BCL2L1: variants seen among roughly 807,000 people sequenced by gnomAD.
BCL2L1 encodes the protein bcl-2-like protein 1.
A neutral mutation model predicts 18.7 loss-of-function variants in BCL2L1; 1 was observed. The ratio of observed to expected loss-of-function variants is 0.05; its 90% CI spans 0.02 to 0.25. BCL2L1 has a LOEUF of 0.25. BCL2L1 is among the 10% of genes least tolerant of loss of function. The pLI, the probability that BCL2L1 is intolerant of heterozygous loss-of-function variation, is 1.00. For missense variants in BCL2L1, 207 were observed against 304.9 expected (o/e 0.68, Z 2.39); for synonymous variants, 103 against 122.7 (o/e 0.84, Z 1.06).
rs1022080146 is a variant in BCL2L1, at chr20:31,665,835, G to C, written c.*114C>G. On this transcript the variant is annotated 3_prime_UTR_variant, in exon 3 of 3. Transcript: ENST00000307677. The stretch of plus-strand genomic sequence containing the variant: ...AGATCTGGGCCCAACCCTGTGATGG[G>C]CAGGTGGGCATGGGCTGCATGTAGT... 10 of 1,386,948 alleles carry C rather than the reference G, an allele frequency of 7.2e-6. No individual in the cohort carries two copies. The highest frequency in any genetic ancestry group is 9.9e-6 in the Non-Finnish European group (10 of 1,011,304). The allele number at this position is 1,386,948 out of a possible 1,614,324, so 85.9% of individuals were successfully genotyped here. A position where few individuals can be genotyped will look rare whatever the true frequency, so the allele number is the denominator to read the frequency against.
chr20:31,723,369 G>C, upstream of BCL2L1: 3 of 985,508 alleles, frequency 3.0e-6, no homozygotes, highest in Non-Finnish European at 3.6e-6. Flanking sequence ...GAGGGGTCGA[G>C]GCCTGCTCGA....
At chr20:31,699,417 A>G (rs2061241355) in intron 2 of BCL2L1, among the ~76,000 whole-genome samples, 1 of 152,200 alleles carries the variant, frequency 6.6e-6, no homozygotes, top group Admixed American at 6.5e-5. Flanking sequence ...AGCAGGAAAC[A>G]GGGGATACTC....
chr20:31,711,450 G>A (rs549558381), intron 2 of BCL2L1, among the ~76,000 whole-genome samples: 1 of 152,302 alleles, frequency 6.6e-6, no homozygotes, highest in East Asian at 1.9e-4. Flanking sequence ...GGCACATGTA[G>A]ACTGATTCAG....
intron 2 of BCL2L1, among the ~76,000 whole-genome samples, chr20:31,693,153 T>C (rs2122641170): frequency 7.8e-6 from 1 of 127,944 alleles, no homozygotes; most frequent in East Asian, 2.1e-4. Flanking sequence ...TATATATATA[T>C]AGTAAAACTT....
At chr20:31,721,487 T>C (rs1272425289) in intron 2 of BCL2L1, 168 bp downstream of exon 2, 9 of 768,734 alleles carry the variant, frequency 1.2e-5, no homozygotes, top group Non-Finnish European at 1.8e-5. Context: ...TCATTTGTAT[T>C]TCCAAGGAGT....
rs1236020671 is a variant in BCL2L1 at position 31,722,835 on chromosome 20, C to G, written c.-348G>C. Reference sequence around the variant, plus strand: ...ATTGCGAAGCTCAGGAACCAGCCCCCTCGCTTGCTTCCTCCTCCATCGCCC... The same window carrying G: ...ATTGCGAAGCTCAGGAACCAGCCCCGTCGCTTGCTTCCTCCTCCATCGCCC... On this transcript the variant is annotated 5_prime_UTR_variant, in exon 1 of 3. Coordinates refer to ENST00000307677, the MANE Select transcript of BCL2L1 (RefSeq NM_138578.3). 6.6e-6 allele frequency: 1 copy of G among 152,290 alleles called. No individual in the cohort carries two copies. The highest frequency in any genetic ancestry group is 1.5e-5 in the Non-Finnish European group (1 of 68,078). 9.4% of individuals were successfully genotyped at this position (152,290 alleles called of 1,614,324 possible). A position where few individuals can be genotyped will look rare whatever the true frequency, so the allele number is the denominator to read the frequency against.
chr20:31,713,779 G>A (rs1392632175), intron 2 of BCL2L1, among the ~76,000 whole-genome samples: 1 of 152,174 alleles, frequency 6.6e-6, no homozygotes, highest in Non-Finnish European at 1.5e-5. Flanking sequence ...TCAGAAAAAG[G>A]TGGCATTACT....
chr20:31,721,509 G>A (rs905207228), intron 2 of BCL2L1, 146 bp downstream of exon 2: 6 of 923,812 alleles, frequency 6.5e-6, no homozygotes, highest in African/African-American at 1.7e-5. Context: ...AACCTCTTGT[G>A]GTGAAATGAG....
At chr20:31,688,141 G>T (rs2122593021) in intron 2 of BCL2L1, among the ~76,000 whole-genome samples, 1 of 152,124 alleles carries the variant, frequency 6.6e-6, no homozygotes, top group East Asian at 1.9e-4. Flanking sequence ...GTACAGGAAG[G>T]CACTCAAGAA....
At chr20:31,701,573 A>G (rs1415575071) in intron 2 of BCL2L1, among the ~76,000 whole-genome samples, 1 of 152,098 alleles carries the variant, frequency 6.6e-6, no homozygotes, top group Admixed American at 6.5e-5. Context: ...GTTGCTTCCA[A>G]CTCTTTGTAA....
chr20:31,707,341 C>A (rs1207722367), intron 2 of BCL2L1, among the ~76,000 whole-genome samples: 1 of 152,214 alleles, frequency 6.6e-6, no homozygotes, highest in African/African-American at 2.4e-5. Context: ...GCAATGACAA[C>A]AATTTGTTTA....
chr20:31,709,966 G>A (rs1475243503), intron 2 of BCL2L1, among the ~76,000 whole-genome samples: 1 of 151,710 alleles, frequency 6.6e-6, no homozygotes, highest in Non-Finnish European at 1.5e-5. Context: ...GGTTACAGGT[G>A]TGAGCCACCA....
chr20:31,701,049 A>G (rs183939814), intron 2 of BCL2L1, among the ~76,000 whole-genome samples: 82 of 152,216 alleles, frequency 5.4e-4, no homozygotes, highest in Non-Finnish European at 9.4e-4. Flanking sequence ...AAGGTCATCT[A>G]TGTAATTAGA....
chr20:31,709,783 C>T (rs941558034), intron 2 of BCL2L1, among the ~76,000 whole-genome samples: 3 of 143,368 alleles, frequency 2.1e-5, no homozygotes, highest in Non-Finnish European at 4.5e-5. Context: ...TGCAGTGAGC[C>T]GAGATCGTGC....
intron 2 of BCL2L1, among the ~76,000 whole-genome samples, chr20:31,675,412 G>T (rs1232545283): frequency 2.0e-5 from 3 of 152,162 alleles, no homozygotes; most frequent in African/African-American, 4.8e-5. Flanking sequence ...ACATGGCCTT[G>T]CTAGAAGATC....
chr20:31,675,569 G>T (rs918153122), intron 2 of BCL2L1, among the ~76,000 whole-genome samples: 1 of 152,160 alleles, frequency 6.6e-6, no homozygotes, highest in Non-Finnish European at 1.5e-5. Context: ...GTTGGCTCCC[G>T]AGATGTGAGA....
intron 2 of BCL2L1, among the ~76,000 whole-genome samples, chr20:31,696,988 G>A (rs2061181926): frequency 6.6e-6 from 1 of 150,548 alleles, no homozygotes; most frequent in South Asian, 2.1e-4. Context: ...TCCAGGAGGC[G>A]GAGGCTGCAG....
intron 2 of BCL2L1, 66 bp from the exon 3 acceptor site, chr20:31,666,152 G>A: frequency 1.3e-6 from 2 of 1,580,066 alleles, no homozygotes; most frequent in Non-Finnish European, 1.7e-6. Context: ...GGTGGGGAAA[G>A]GGGCCATCTG....
chr20:31,693,702 T>A (rs951143922), intron 2 of BCL2L1, among the ~76,000 whole-genome samples: 1 of 151,910 alleles, frequency 6.6e-6, no homozygotes, highest in African/African-American at 2.4e-5. Flanking sequence ...AGCTATTTTT[T>A]AATTTTAGTT....
Sources: gnomAD v4.1 joint callset for allele counts (sites outside exome capture counted in the v4.1 genomes callset) on GRCh38, gnomAD v4.1.1 for gene constraint, MANE v1.5 for transcripts, NCBI Gene and HGNC (gene_info 2026-07-23, HGNC 2026-07-21) for gene names.